COL9A2: variants seen among roughly 807,000 people sequenced by gnomAD.
COL9A2 encodes collagen type IX alpha 2 chain, also known as collagen alpha-2(IX) chain.
COL9A2 carries 66 observed loss-of-function variants against 111.6 expected under a neutral mutation model. The ratio of observed to expected loss-of-function variants is 0.59; its 90% CI spans 0.48 to 0.73. COL9A2 has a LOEUF of 0.73. COL9A2 is among the 30% of genes least tolerant of loss of function. COL9A2 has a pLI of 0.00. For missense variants in COL9A2, 881 were observed against 954.1 expected (o/e 0.92, Z 1.01); for synonymous variants, 353 against 364.1 (o/e 0.97, Z 0.35).
intron 2 of COL9A2, 149 bp downstream of exon 2, chr1:40,315,441 T>A: frequency 6.9e-7 from 1 of 1,448,862 alleles, no homozygotes; most frequent in East Asian, 2.6e-5. Context: ...ACAAACGGCG[T>A]CCTTGTGGTG....
chr1:40,310,871 G>T lies in COL9A2; in HGVS notation c.631-104C>A. On this transcript the variant is annotated intron_variant, in intron 12 of 31. Coordinates refer to ENST00000372748, the MANE Select transcript of COL9A2 (RefSeq NM_001852.4). The surrounding 1 kb of genome is among the most constrained non-coding windows in gnomAD (Gnocchi z 4.9). The stretch of plus-strand genomic sequence containing the variant: ...TTTCCCCAGCACAAGCAGACGGGAG[G>T]GACTACTACGAACCCTACAGTCCTG... 9.2e-7 allele frequency: 1 copy of T among 1,091,054 alleles called. No individual in the cohort carries two copies. Among genetic ancestry groups the T allele is most frequent in the Non-Finnish European group, 1.4e-6 (1 of 730,032 alleles). 67.6% of individuals were successfully genotyped at this position (1,091,054 alleles called of 1,614,324 possible).
chr1:40,309,115 C>T (rs1644075529), intron 16 of COL9A2, among the ~76,000 whole-genome samples: 1 of 152,064 alleles, frequency 6.6e-6, no homozygotes. Flanking sequence ...GTGGCGCATG[C>T]CTGTAATCCC....
Position 40,301,152 on chromosome 1 carries a change from TG to T in COL9A2, c.*29del. ...GGGGACCTGGTCCTTCCCGCCAGGA[TG>T]CCTGCCAGGCTCTGTCTGGGCCTGA... is the stretch of plus-strand genomic sequence containing the variant. On this transcript the variant is annotated 3_prime_UTR_variant, in exon 32 of 32. Transcript: ENST00000372748. 1 of 1,611,474 alleles carries T rather than the reference TG, an allele frequency of 6.2e-7. No individual in the cohort carries two copies. Among genetic ancestry groups the T allele is most frequent in the Non-Finnish European group, 8.5e-7 (1 of 1,179,164 alleles).
At position 40,308,208 on chromosome 1, in the gene COL9A2, C is replaced by A; in HGVS notation, c.884G>T (p.Gly295Val). Reference sequence around the variant, plus strand: ...GGCACCTACCGTTGCTCCTTTCGGGCCTGTGATCCCCTGGGGTCCACGAAT... The same window carrying A: ...GGCACCTACCGTTGCTCCTTTCGGGACTGTGATCCCCTGGGGTCCACGAAT... ...PGIRGPQGIT[G>V]PKGATGPPGI... The change falls in exon 17 of 32, where the codon GGC becomes GTC. Residue 295 changes from glycine (G) to valine (V), a missense_variant. Transcript: ENST00000372748. 6.2e-7 allele frequency: 1 copy of A among 1,614,154 alleles called. No homozygotes were observed.
In COL9A2 at chr1:40,303,644, G is replaced by A. The variant is rs1431414674; in HGVS notation, c.1434C>T (p.Gly478=). The change falls in exon 28 of 32, where the codon GGC becomes GGT. Residue 478 remains glycine, a synonymous_variant. Coordinates refer to ENST00000372748, the MANE Select transcript of COL9A2 (RefSeq NM_001852.4). The surrounding 1 kb of genome is among the most constrained non-coding windows in gnomAD (Gnocchi z 4.6). The part of the protein sequence containing the change: ...QGVRGEPGYP[G]PSGDAGAPGV... Reference sequence around the variant, plus strand: ...CTGGGGCGCCCGCATCCCCGCTGGGGCCAGGGTAGCCGGGTTCTCCACGTA... The same window carrying A: ...CTGGGGCGCCCGCATCCCCGCTGGGACCAGGGTAGCCGGGTTCTCCACGTA... 3.2e-6 allele frequency: 5 copies of A among 1,584,138 alleles called. No homozygotes were observed. The South Asian group carries it at 4.6e-5, about 15-fold the overall frequency.
At chr1:40,305,385 T>C (rs1644011085) in intron 21 of COL9A2, among the ~76,000 whole-genome samples, 1 of 152,252 alleles carries the variant, frequency 6.6e-6, no homozygotes, top group Admixed American at 6.5e-5. Flanking sequence ...ATTTCTTCCA[T>C]TAAACTATAC....
rs1391869316 is a variant in COL9A2 at position 40,310,259 on chromosome 1, C to T, written c.738+5G>A. The T allele has an allele frequency of 6.2e-7, 1 of 1,614,142 alleles. No individual in the cohort carries two copies. Among genetic ancestry groups the T allele is most frequent in the Admixed American group, 1.7e-5 (1 of 60,026 alleles). The stretch of plus-strand genomic sequence containing the variant: ...CTCTTGTAGAACACCCCAAGATTCA[C>T]TTACCGTCTCTCCCTTGGGCCCTGC... On this transcript the variant is annotated splice_donor_5th_base_variant and intron_variant, in intron 14 of 31. Coordinates refer to ENST00000372748, the MANE Select transcript of COL9A2 (RefSeq NM_001852.4). The surrounding 1 kb of genome is among the most constrained non-coding windows in gnomAD (Gnocchi z 4.9).
At chr1:40,315,866 C>T in intron 1 of COL9A2, 1 of 460,266 alleles carries the variant, frequency 2.2e-6, no homozygotes, top group Non-Finnish European at 3.9e-6. Flanking sequence ...AACCGGGAGG[C>T]GGGCGCTATT....
Position 40,305,631 on chromosome 1 carries a change from C to G in COL9A2, c.1107+84G>C, listed in dbSNP as rs1254729107. 3 of 1,283,986 alleles carry G rather than the reference C, an allele frequency of 2.3e-6. No individual in the cohort carries two copies. The East Asian group carries it at 6.9e-5, about 30-fold the overall frequency. 79.5% of individuals were successfully genotyped at this position (1,283,986 alleles called of 1,614,324 possible). A position where few individuals can be genotyped will look rare whatever the true frequency, so the allele number is the denominator to read the frequency against. Reference sequence around the variant, plus strand: ...TTGGGTCAGGGCAGAGCCAGACTAACTCGGAGCTCTCCCTAGGTTAGGGCT... The same window carrying G: ...TTGGGTCAGGGCAGAGCCAGACTAAGTCGGAGCTCTCCCTAGGTTAGGGCT... On this transcript the variant is annotated intron_variant, in intron 21 of 31. Transcript: ENST00000372748.
rs148008235 is a variant in COL9A2 at position 40,301,233 on chromosome 1, C to T, written c.2019G>A (p.Ser673=). The T allele has an allele frequency of 3.1e-4, 504 of 1,614,084 alleles. 1 individual carries two copies. The African/African-American group carries it at 5.5e-3, about 18-fold the overall frequency. ...CTGTAAGGCGGGCAGAGGCATAGGCCGAAGCTCCAAGGCAGGCGGCAGGTT... is the reference window on the plus strand; with the variant it reads ...CTGTAAGGCGGGCAGAGGCATAGGCTGAAGCTCCAAGGCAGGCGGCAGGTT... ...FCEPAACLGA[S]AYASARLTEP... Residue 673 remains serine (S), a synonymous_variant, in exon 32 of 32, where the codon TCG becomes TCA. Coordinates refer to ENST00000372748, the MANE Select transcript of COL9A2 (RefSeq NM_001852.4).
intron 16 of COL9A2, among the ~76,000 whole-genome samples, chr1:40,309,683 C>T (rs1047289798): frequency 6.6e-6 from 1 of 151,954 alleles, no homozygotes; most frequent in Admixed American, 6.6e-5. Context: ...GTCACACACA[C>T]ACACTCAGAG....
rs745492026 is a variant in COL9A2, at chr1:40,308,217, C to T, written c.875G>A (p.Gly292Glu). Reference sequence around the variant, plus strand: ...CGTTGCTCCTTTCGGGCCTGTGATCCCCTGGGGTCCACGAATACCTGGGCT... The same window carrying T: ...CGTTGCTCCTTTCGGGCCTGTGATCTCCTGGGGTCCACGAATACCTGGGCT... ...EGSPGIRGPQ[G>E]ITGPKGATGP... The change falls in exon 17 of 32, where the codon GGG becomes GAG. Residue 292 changes from glycine to glutamate, a missense_variant. Gly to Glu is a moderately conservative substitution (Grantham distance 98). Transcript: ENST00000372748. The T allele has an allele frequency of 1.2e-6, 2 of 1,613,974 alleles. 1 individual carries two copies. The highest frequency in any genetic ancestry group is 3.3e-5 in the Admixed American group (2 of 59,998).
rs364281 is a variant in COL9A2 at position 40,308,522 on chromosome 1, A to C, written c.847-277T>G. Among the ~76,000 whole-genome samples the C allele has an allele frequency of 0.74, 112,078 of 152,210 alleles. 42,190 individuals carry two copies. The highest frequency in any genetic ancestry group is 0.96 in the East Asian group (4,997 of 5,182). The stretch of plus-strand genomic sequence containing the variant: ...CTGAGACCTTGGCCAAGGCCCCACA[A>C]TCCACTCAGCCAAAGGAACACAACA... On this transcript the variant is annotated intron_variant, in intron 16 of 31. Transcript: ENST00000372748.
intron 2 of COL9A2, 85 bp downstream of exon 2, chr1:40,315,503 CGA>C (rs386630598): frequency 1.4e-6 from 2 of 1,476,212 alleles, no homozygotes; most frequent in Non-Finnish European, 9.1e-7. Flanking sequence ...CCGGGCACCC[CGA>C]AGTCCCCACC....
At position 40,301,187 on chromosome 1, in the gene COL9A2, G is replaced by A. The variant is rs1643908787; in HGVS notation, c.2065C>T (p.Pro689Ser). 1 of 1,613,230 alleles carries A rather than the reference G, an allele frequency of 6.2e-7. No individual in the cohort carries two copies. The highest frequency in any genetic ancestry group is 8.5e-7 in the Non-Finnish European group (1 of 1,180,008). The change falls in exon 32 of 32, where the codon CCT becomes TCT. Residue 689 changes from proline to serine, a missense_variant. Coordinates refer to ENST00000372748, the MANE Select transcript of COL9A2 (RefSeq NM_001852.4). ...GCTCTGTCTGGGCCTGATGCTCAAG[G>A]CCCCTTGATGGATCCAGGCTCTGTA... Reference protein sequence around the residue: ...RLTEPGSIKGP With the variant: ...RLTEPGSIKGS
At chr1:40,308,367 A>G in intron 16 of COL9A2, 122 bp from the exon 17 acceptor site, 3 of 989,966 alleles carry the variant, frequency 3.0e-6, no homozygotes, top group East Asian at 2.6e-5. Flanking sequence ...CACAGGCCAC[A>G]CCATGCAGGG....
chr1:40,304,815 G>T lies in COL9A2; in HGVS notation c.1140C>A (p.Pro380=). 6.4e-7 allele frequency: 1 copy of T among 1,550,944 alleles called. No homozygotes were observed. The change falls in exon 22 of 32, where the codon CCC becomes CCA. Residue 380 remains proline, a synonymous_variant. Transcript: ENST00000372748. ...GEPGPRGEIG[P]QGIMGQKGDQ... ...TTACCTTCTGTCCCATGATGCCCTG[G>T]GGACCAATTTCTCCTCGAGGCCCTG...
rs188913242 is a variant in COL9A2 at position 40,303,472 on chromosome 1, C to T, written c.1548+58G>A. 1.2e-6 allele frequency: 2 copies of T among 1,605,852 alleles called. No homozygotes were observed. Among genetic ancestry groups the T allele is most frequent in the East Asian group, 4.5e-5 (2 of 44,696 alleles). ...AATCCCTAGCCTTTGGCGGGTAAGC[C>T]GCACCCCAGAACAGATCTACCTAGA... On this transcript the variant is annotated intron_variant, in intron 28 of 31. Transcript: ENST00000372748. This position sits in a 1 kb window ranked among gnomAD's most constrained non-coding sequence, Gnocchi z 4.6.
rs1366896894 is a variant in COL9A2, at chr1:40,303,076, T to A, written c.1603+55A>T. On this transcript the variant is annotated intron_variant, in intron 29 of 31. Coordinates refer to ENST00000372748, the MANE Select transcript of COL9A2 (RefSeq NM_001852.4). The surrounding 1 kb of genome is among the most constrained non-coding windows in gnomAD (Gnocchi z 4.6). ...AACACGTGGAGGCTCCGGGAGGGGG[T>A]GAGGGGGCGGCGATGCCCTCGAACT... The A allele has an allele frequency of 1.5e-5, 23 of 1,553,736 alleles. No homozygotes were observed. Among genetic ancestry groups the A allele is most frequent in the Admixed American group, 1.8e-5 (1 of 55,346 alleles).
Sources: gnomAD v4.1 joint callset for allele counts (sites outside exome capture counted in the v4.1 genomes callset) on GRCh38, gnomAD v4.1.1 for gene constraint, Gnocchi (gnomAD v3.1) non-coding constraint, MANE v1.5 for transcripts, NCBI Gene and HGNC (gene_info 2026-07-23, HGNC 2026-07-21) for gene names.